EML6: variants seen among roughly 807,000 people sequenced by gnomAD.
The protein encoded by EML6 is EMAP like 6.
Under a neutral mutation model 240.1 loss-of-function variants are expected in EML6, and 154 were observed. The observed-to-expected ratio is 0.64, with a 90% CI of 0.56 to 0.73. The LOEUF is 0.73. EML6 is among the 30% of genes least tolerant of loss of function. EML6 has a pLI of 0.00. For missense variants in EML6, 2,964 were observed against 2,474.6 expected, an observed-to-expected ratio of 1.20 and a Z score of -4.20; for synonymous variants, 1,148 against 899.0, an observed-to-expected ratio of 1.28 and a Z score of -4.95.
At chr2:54,923,367 G>GCGCGCA (rs1200496290) in intron 26 of EML6, among the ~76,000 whole-genome samples, 1 of 144,462 alleles carries the variant, frequency 6.9e-6, no homozygotes, top group African/African-American at 2.6e-5. Context: ...CTCACCAAAC[G>GCGCGCA]CACACACACA....
chr2:54,952,076 G>A (rs890653796), intron 30 of EML6, among the ~76,000 whole-genome samples: 8 of 152,218 alleles, frequency 5.3e-5, no homozygotes, highest in Non-Finnish European at 8.8e-5. Flanking sequence ...GCCATCACCT[G>A]TGCTGTCCAG....
intron 25 of EML6, among the ~76,000 whole-genome samples, chr2:54,913,384 A>T (rs1001089434): frequency 6.6e-6 from 1 of 151,684 alleles, no homozygotes; most frequent in African/African-American, 2.4e-5. Context: ...AGTAGCTGGG[A>T]CTGTAGATGC....
intron 2 of EML6, among the ~76,000 whole-genome samples, chr2:54,734,418 T>A (rs72913547): frequency 0.018 from 2,725 of 152,356 alleles, 83 homozygotes; most frequent in African/African-American, 0.057. Context: ...CTCCAGACAG[T>A]GCTAGGCAAT....
intron 2 of EML6, among the ~76,000 whole-genome samples, chr2:54,794,488 G>A (rs959546728): frequency 6.6e-6 from 1 of 152,210 alleles, no homozygotes; most frequent in Admixed American, 6.5e-5. Context: ...AGTAGGGACA[G>A]GACGGGGAAG....
intron 10 of EML6, 89 bp from the exon 11 acceptor site, chr2:54,853,554 A>C: frequency 1.1e-6 from 1 of 889,960 alleles, no homozygotes; most frequent in East Asian, 2.9e-5. Context: ...TGTATTTACA[A>C]AAGTTTTCTT....
intron 22 of EML6, among the ~76,000 whole-genome samples, 181 bp from the exon 23 acceptor site, chr2:54,902,863 C>T (rs979019976): frequency 6.6e-6 from 1 of 152,234 alleles, no homozygotes; most frequent in Non-Finnish European, 1.5e-5. Flanking sequence ...GCATGAGCTG[C>T]TGCGCCCAGA....
chr2:54,899,685 C>T lies in EML6; in HGVS notation c.3027C>T (p.Leu1009=). 6.4e-7 allele frequency: 1 copy of T among 1,553,942 alleles called. No individual in the cohort carries two copies. Among genetic ancestry groups the T allele is most frequent in the Non-Finnish European group, 8.7e-7 (1 of 1,148,192 alleles). The change falls in exon 22 of 42, where the codon CTC becomes CTT. Residue 1009 remains leucine, a synonymous_variant. Coordinates refer to ENST00000356458, the MANE Select transcript of EML6 (RefSeq NM_001039753.4). ...TGTGGGGGTTGGCAGCTCACCCTCT[C>T]CTGCCCATCTGTGCAACAGTGAGCG... ...GEVWGLAAHP[L]LPICATVSDD...
At chr2:54,820,601 C>T (rs1668287786) in intron 5 of EML6, 139 bp downstream of exon 5, 3 of 549,644 alleles carry the variant, frequency 5.5e-6, no homozygotes, top group Non-Finnish European at 9.5e-6. Flanking sequence ...TGTTTCTCTG[C>T]TCCTGAAGCA....
At position 54,724,121 on chromosome 2, in the gene EML6, G is replaced by A. The variant is rs775264379; in HGVS notation, c.-514+344G>A. Among the ~76,000 whole-genome samples the A allele has an allele frequency of 4.6e-5, 7 of 152,172 alleles. No individual in the cohort carries two copies. Among genetic ancestry groups the A allele is most frequent in the Non-Finnish European group, 5.9e-5 (4 of 68,042 alleles). On this transcript the variant is annotated intron_variant, in intron 1 of 41. Coordinates refer to ENST00000356458, the MANE Select transcript of EML6 (RefSeq NM_001039753.4). This position sits in a 1 kb window ranked among gnomAD's most constrained non-coding sequence, Gnocchi z 5.2. ...CGTTTGTAGGTAGCGCACTCCCTCC[G>A]ACTGCACTAGTGCCTCGTTTCTTCC...
At chr2:54,886,656 G>T (rs1236282848) in intron 17 of EML6, among the ~76,000 whole-genome samples, 2 of 152,210 alleles carry the variant, frequency 1.3e-5, no homozygotes, top group Non-Finnish European at 2.9e-5. Flanking sequence ...TCAGTGTGAA[G>T]TGGTATCTCA....
At position 54,836,842 on chromosome 2, in the gene EML6, G is replaced by A. The variant is rs114337735; in HGVS notation, c.848-7205G>A. ...ATCATTGGTGTTTATGAATCCCTGG[G>A]GAGATGCATGTCTTTCCTCCTTCAT... is the stretch of plus-strand genomic sequence containing the variant. On this transcript the variant is annotated intron_variant, in intron 7 of 41. Transcript: ENST00000356458. 4.3e-3 allele frequency among the ~76,000 whole-genome samples: 661 copies of A among 152,230 alleles called. 6 individuals are homozygous for A. The highest frequency in any genetic ancestry group is 0.015 in the African/African-American group (623 of 41,532).
chr2:54,958,349 G>A (rs1421673913), intron 33 of EML6, among the ~76,000 whole-genome samples: 4 of 152,082 alleles, frequency 2.6e-5, no homozygotes, highest in South Asian at 2.1e-4. Context: ...CTGCCACCAC[G>A]CCTGGCTAAT....
At chr2:54,840,579 A>G (rs1438815) in intron 7 of EML6, among the ~76,000 whole-genome samples, 103,840 of 152,058 alleles carry the variant, frequency 0.68, 36,065 homozygotes, top group East Asian at 0.9. Context: ...AAAATTTCTG[A>G]AATAAAGGAA....
At chr2:54,853,574 G>A in intron 10 of EML6, 69 bp from the exon 11 acceptor site, 1 of 1,011,292 alleles carries the variant, frequency 9.9e-7, no homozygotes, top group Non-Finnish European at 1.4e-6. Flanking sequence ...TAAAGTTTCA[G>A]ATCTTTATAA....
chr2:54,757,482 G>T (rs1166212856), intron 2 of EML6, among the ~76,000 whole-genome samples: 1 of 151,244 alleles, frequency 6.6e-6, no homozygotes, highest in Non-Finnish European at 1.5e-5. Context: ...GGTGACCGTG[G>T]GGTATGCAGT....
chr2:54,836,349 C>G (rs932315423), intron 7 of EML6, among the ~76,000 whole-genome samples: 1 of 152,222 alleles, frequency 6.6e-6, no homozygotes, highest in African/African-American at 2.4e-5. Context: ...TCTCACTAGG[C>G]TTTGTGTATC....
chr2:54,937,575 A>C (rs934587893), intron 28 of EML6, among the ~76,000 whole-genome samples: 1 of 151,320 alleles, frequency 6.6e-6, no homozygotes, highest in East Asian at 1.9e-4. Flanking sequence ...AAAAAAAAAA[A>C]AAAAAAAGTA....
chr2:54,857,443 G>A (rs1400637237), intron 11 of EML6, among the ~76,000 whole-genome samples: 1 of 152,180 alleles, frequency 6.6e-6, no homozygotes, highest in Non-Finnish European at 1.5e-5. Flanking sequence ...TTCAAGAAGT[G>A]TTCGTTAAAT....
intron 2 of EML6, among the ~76,000 whole-genome samples, chr2:54,789,545 A>AGG (rs1558549493): frequency 4.8e-5 from 7 of 145,646 alleles, no homozygotes; most frequent in African/African-American, 1.8e-4. Context: ...AAAAAAAAAA[A>AGG]AAAGAAAAAG....
Sources: gnomAD v4.1 joint callset for allele counts (sites outside exome capture counted in the v4.1 genomes callset) on GRCh38, gnomAD v4.1.1 for gene constraint, Gnocchi (gnomAD v3.1) non-coding constraint, MANE v1.5 for transcripts, NCBI Gene and HGNC (gene_info 2026-07-23, HGNC 2026-07-21) for gene names.